Variants in SLC25A21 observed in about 807,000 individuals in gnomAD.
The protein encoded by SLC25A21 is mitochondrial 2-oxodicarboxylate carrier.
In SLC25A21, 47 loss-of-function variants were observed where a neutral mutation model predicts 43.8. That is an observed-to-expected ratio of 1.07 (90% CI 0.85 to 1.37). SLC25A21 has a LOEUF of 1.37. SLC25A21 is among the 40% of genes most tolerant of loss of function. The pLI is 0.00. For missense variants in SLC25A21, 352 were observed against 350.2 expected (o/e 1.00, Z -0.04); for synonymous variants, 131 against 121.3 (o/e 1.08, Z -0.52).
At chr14:36,762,793 T>C (rs967175416) in intron 3 of SLC25A21, among the ~76,000 whole-genome samples, 2 of 152,180 alleles carry the variant, frequency 1.3e-5, no homozygotes, top group Non-Finnish European at 2.9e-5. Flanking sequence ...GGAATGTTTG[T>C]AAAGAGCTCA....
chr14:36,911,082 T>C (rs1891674472), intron 1 of SLC25A21, among the ~76,000 whole-genome samples: 1 of 152,150 alleles, frequency 6.6e-6, no homozygotes, highest in Non-Finnish European at 1.5e-5. Context: ...GCAGGGACCT[T>C]CTACTCTTAT....
intron 7 of SLC25A21, among the ~76,000 whole-genome samples, chr14:36,707,142 G>A (rs1024238589): frequency 2.0e-5 from 3 of 152,168 alleles, no homozygotes; most frequent in African/African-American, 7.2e-5. Context: ...AGATGCTCCA[G>A]TGTCTGGAAT....
chr14:37,122,623 G>T (rs1197217292), intron 1 of SLC25A21, among the ~76,000 whole-genome samples: 2 of 81,192 alleles, frequency 2.5e-5, no homozygotes, highest in Non-Finnish European at 5.1e-5. Flanking sequence ...CACATGTAAA[G>T]AAACAATACG....
intron 1 of SLC25A21, among the ~76,000 whole-genome samples, chr14:36,916,748 C>T (rs1891843944): frequency 6.6e-6 from 1 of 152,224 alleles, no homozygotes; most frequent in Middle Eastern, 3.4e-3. Flanking sequence ...TATATCTAGG[C>T]CTGATCTCTC....
intron 1 of SLC25A21, among the ~76,000 whole-genome samples, chr14:36,876,512 A>G (rs1890528887): frequency 6.6e-6 from 1 of 152,182 alleles, no homozygotes; most frequent in African/African-American, 2.4e-5. Flanking sequence ...GCTGGACATG[A>G]CAGCAAAGCC....
intron 3 of SLC25A21, among the ~76,000 whole-genome samples, chr14:36,778,073 G>T (rs1486869102): frequency 6.6e-6 from 1 of 152,072 alleles, no homozygotes; most frequent in Non-Finnish European, 1.5e-5. Flanking sequence ...TGGTCCCCAG[G>T]ATACTCCCTC....
chr14:36,752,632 A>C (rs919710173), intron 3 of SLC25A21, among the ~76,000 whole-genome samples: 1 of 152,350 alleles, frequency 6.6e-6, no homozygotes, highest in South Asian at 2.1e-4. Flanking sequence ...AGACACAAAA[A>C]GACAAGTACT....
At chr14:36,721,204 G>A (rs1884361349) in intron 6 of SLC25A21, among the ~76,000 whole-genome samples, 1 of 152,172 alleles carries the variant, frequency 6.6e-6, no homozygotes, top group Non-Finnish European at 1.5e-5. Flanking sequence ...CAATCATGTT[G>A]TAATAATAAT....
At chr14:36,976,845 C>T (rs1458067525) in intron 1 of SLC25A21, among the ~76,000 whole-genome samples, 3 of 152,226 alleles carry the variant, frequency 2.0e-5, no homozygotes, top group African/African-American at 7.2e-5. Flanking sequence ...GCTTTGAGAG[C>T]CTTGCTTGAA....
chr14:37,151,837 C>T (rs974666431), intron 1 of SLC25A21, among the ~76,000 whole-genome samples: 1 of 152,084 alleles, frequency 6.6e-6, no homozygotes, highest in Non-Finnish European at 1.5e-5. Flanking sequence ...GAGTTCAAGA[C>T]GAGCCTGGCC....
intron 3 of SLC25A21, among the ~76,000 whole-genome samples, chr14:36,792,599 C>T (rs1308791742): frequency 6.6e-6 from 1 of 152,116 alleles, no homozygotes; most frequent in Non-Finnish European, 1.5e-5. Flanking sequence ...ACGCAAAGGA[C>T]ACCATCTAGC....
At chr14:37,130,483 T>C (rs1219710478) in intron 1 of SLC25A21, among the ~76,000 whole-genome samples, 3 of 152,220 alleles carry the variant, frequency 2.0e-5, no homozygotes, top group African/African-American at 7.2e-5. Context: ...GATTGTTTTT[T>C]AACTTCTCTA....
chr14:36,845,457 C>A (rs905057619), intron 2 of SLC25A21, among the ~76,000 whole-genome samples: 7 of 152,136 alleles, frequency 4.6e-5, no homozygotes. Context: ...ATGCCAGTAA[C>A]CTCATACACA....
At chr14:37,165,406 T>A (rs943948481) in intron 1 of SLC25A21, among the ~76,000 whole-genome samples, 4 of 150,332 alleles carry the variant, frequency 2.7e-5, no homozygotes, top group Admixed American at 2.6e-4. Flanking sequence ...GGGACTAAGG[T>A]AAGGCTGGAA....
chr14:37,007,054 C>T (rs1960620215), intron 1 of SLC25A21, among the ~76,000 whole-genome samples: 1 of 152,064 alleles, frequency 6.6e-6, no homozygotes. Flanking sequence ...GTGAAGACAC[C>T]ATAGGGTGAT....
intron 1 of SLC25A21, among the ~76,000 whole-genome samples, chr14:37,007,745 A>C (rs965981998): frequency 2.0e-5 from 3 of 152,134 alleles, no homozygotes; most frequent in African/African-American, 7.2e-5. Context: ...GGAAGAAATT[A>C]TCAATAGTTT....
intron 1 of SLC25A21, among the ~76,000 whole-genome samples, chr14:37,080,166 T>C (rs1048707507): frequency 3.3e-5 from 5 of 152,198 alleles, no homozygotes; most frequent in Non-Finnish European, 4.4e-5. Context: ...AAACTCGAGA[T>C]ATCTTTCTTT....
intron 1 of SLC25A21, among the ~76,000 whole-genome samples, chr14:37,071,053 G>T (rs1051007757): frequency 9.1e-6 from 1 of 109,626 alleles, no homozygotes; most frequent in East Asian, 2.3e-4. Flanking sequence ...AAAGGGAAAG[G>T]AGAAGACACT....
At chr14:37,067,573 C>T (rs888015745) in intron 1 of SLC25A21, among the ~76,000 whole-genome samples, 3 of 151,960 alleles carry the variant, frequency 2.0e-5, no homozygotes, top group African/African-American at 7.3e-5. Flanking sequence ...AAAGTGATCC[C>T]AGATGGAAAA....
Sources: allele counts gnomAD v4.1 joint callset (sites outside exome capture counted in the v4.1 genomes callset), GRCh38; gene constraint gnomAD v4.1.1; transcripts MANE v1.5; gene names NCBI Gene and HGNC (gene_info 2026-07-23, HGNC 2026-07-21).